NCALD: variants seen among roughly 807,000 people sequenced by gnomAD.
The protein encoded by NCALD is neurocalcin delta.
A neutral mutation model predicts 18.6 loss-of-function variants in NCALD; 10 were observed. That is an observed-to-expected ratio of 0.54 (90% CI 0.33 to 0.91). NCALD has a LOEUF of 0.91. Ranked by LOEUF, NCALD falls within the 40% of genes least tolerant of loss-of-function variation. The pLI is 0.03. For missense variants in NCALD, 184 were observed against 247.6 expected (o/e 0.74, Z 1.72); for synonymous variants, 88 against 87.4 (o/e 1.01, Z -0.04).
At chr8:102,050,883 GATT>G (rs1361367858) in intron 1 of NCALD, among the ~76,000 whole-genome samples, 5 of 132,030 alleles carry the variant, frequency 3.8e-5, no homozygotes, top group South Asian at 2.5e-4. Flanking sequence ...TAATTTAATT[GATT>G]ATTAATTTAA....
chr8:101,780,896 C>CT (rs1771045966), intron 1 of NCALD, among the ~76,000 whole-genome samples: 1 of 152,126 alleles, frequency 6.6e-6, no homozygotes, highest in Non-Finnish European at 1.5e-5. Context: ...CAAAATACCC[C>CT]TCCTGATGGG....
intron 4 of NCALD, among the ~76,000 whole-genome samples, chr8:101,861,437 G>C (rs1338248802): frequency 6.6e-6 from 1 of 151,662 alleles, no homozygotes; most frequent in Non-Finnish European, 1.5e-5. Context: ...TAAAAACATG[G>C]GTGGAACACA....
At chr8:101,815,597 ATAC>A (rs1418905727) in intron 4 of NCALD, among the ~76,000 whole-genome samples, 3 of 152,142 alleles carry the variant, frequency 2.0e-5, no homozygotes, top group African/African-American at 4.8e-5. Context: ...TTAAAATGAG[ATAC>A]TACAACACAT....
At chr8:101,726,898 A>G (rs1216238079) in intron 1 of NCALD, among the ~76,000 whole-genome samples, 1 of 152,176 alleles carries the variant, frequency 6.6e-6, no homozygotes, top group African/African-American at 2.4e-5. Context: ...GTCAATGTAG[A>G]TCAAGGACTG....
At chr8:102,090,401 G>T (rs1262918483) in intron 1 of NCALD, among the ~76,000 whole-genome samples, 1 of 152,076 alleles carries the variant, frequency 6.6e-6, no homozygotes, top group African/African-American at 2.4e-5. Flanking sequence ...ATCAGCTACA[G>T]GACTTTGACA....
intron 2 of NCALD, among the ~76,000 whole-genome samples, chr8:101,706,271 C>T (rs1409488457): frequency 6.6e-6 from 1 of 151,074 alleles, no homozygotes; most frequent in Non-Finnish European, 1.5e-5. Flanking sequence ...TGGAGGAGTG[C>T]CAAAGATGTC....
intron 2 of NCALD, among the ~76,000 whole-genome samples, chr8:101,996,044 G>A (rs1821228879): frequency 6.6e-6 from 1 of 152,236 alleles, no homozygotes; most frequent in African/African-American, 2.4e-5. Context: ...CCTCTGGTGT[G>A]TTCCTGGCAG....
chr8:101,776,457 A>T (rs1811795352), intron 1 of NCALD, among the ~76,000 whole-genome samples: 3 of 150,738 alleles, frequency 2.0e-5, no homozygotes. Context: ...ACAACCAGTA[A>T]TTTTTTTTTT....
chr8:102,117,595 C>A (rs1191033631), intron 1 of NCALD, among the ~76,000 whole-genome samples: 2 of 150,090 alleles, frequency 1.3e-5, no homozygotes, highest in African/African-American at 5.0e-5. Context: ...ACTGTCAACT[C>A]CGTTGGCACT....
chr8:101,959,667 A>T (rs948538599), intron 2 of NCALD, among the ~76,000 whole-genome samples: 1 of 152,276 alleles, frequency 6.6e-6, no homozygotes, highest in South Asian at 2.1e-4. Flanking sequence ...AAACATCCCC[A>T]TCATTCTTTG....
At chr8:101,690,715 T>G in intron 3 of NCALD, 2 of 985,464 alleles carry the variant, frequency 2.0e-6, no homozygotes, top group Non-Finnish European at 2.4e-6. Flanking sequence ...TTATTTTTAA[T>G]TTGTAGAGCT....
chr8:102,112,781 A>G (rs1464873765), intron 1 of NCALD, among the ~76,000 whole-genome samples: 1 of 152,006 alleles, frequency 6.6e-6, no homozygotes, highest in Non-Finnish European at 1.5e-5. Context: ...GAGGGAGGTA[A>G]GTGAGTTCTC....
intron 1 of NCALD, among the ~76,000 whole-genome samples, chr8:102,084,214 C>T (rs1222739914): frequency 6.6e-6 from 1 of 152,172 alleles, no homozygotes; most frequent in South Asian, 2.1e-4. Context: ...TCTTTTATTA[C>T]AGATGTTGTT....
intron 1 of NCALD, among the ~76,000 whole-genome samples, chr8:102,123,270 G>A (rs770534573): frequency 7.2e-5 from 11 of 152,082 alleles, no homozygotes; most frequent in Non-Finnish European, 1.0e-4. Flanking sequence ...GTGTTTCACC[G>A]TAGCTGCCCT....
chr8:101,689,849 C>G lies in NCALD; in HGVS notation c.485-443G>C, dbSNP rs1453991290. Among the ~76,000 whole-genome samples the G allele has an allele frequency of 6.6e-6, 1 of 152,198 alleles. No individual in the cohort carries two copies. Among genetic ancestry groups the G allele is most frequent in the Non-Finnish European group, 1.5e-5 (1 of 68,028 alleles). ...TTGGTTCCCATAATGTTCCCTGGAG[C>G]CTTCTGAGCCACTTCGTGTTCTTCA... On this transcript the variant is annotated intron_variant, in intron 3 of 3. Coordinates refer to ENST00000220931, the MANE Select transcript of NCALD (RefSeq NM_032041.3). The surrounding 1 kb of genome is among the most constrained non-coding windows in gnomAD (Gnocchi z 4.4).
At chr8:101,882,234 G>A (rs1279155129) in intron 4 of NCALD, among the ~76,000 whole-genome samples, 1 of 152,094 alleles carries the variant, frequency 6.6e-6, no homozygotes, top group Non-Finnish European at 1.5e-5. Context: ...ATATGCTATG[G>A]TCTCAATGTT....
At chr8:101,872,511 G>A in intron 4 of NCALD, 1 of 738,278 alleles carries the variant, frequency 1.4e-6, no homozygotes, top group African/African-American at 1.7e-5. Context: ...TCTTGTCTAA[G>A]ATGTCATTCC....
At chr8:102,004,229 C>T (rs1354139965) in intron 2 of NCALD, among the ~76,000 whole-genome samples, 1 of 152,076 alleles carries the variant, frequency 6.6e-6, no homozygotes, top group Non-Finnish European at 1.5e-5. Context: ...TTCTTATACA[C>T]CAACAACAGA....
chr8:101,731,016 G>A (rs923940026), intron 1 of NCALD, among the ~76,000 whole-genome samples: 2 of 152,160 alleles, frequency 1.3e-5, no homozygotes, highest in African/African-American at 2.4e-5. Context: ...AACGGGTGTC[G>A]GAGTTTTGAA....
Sources: allele counts gnomAD v4.1 joint callset (sites outside exome capture counted in the v4.1 genomes callset), GRCh38; gene constraint gnomAD v4.1.1; non-coding constraint Gnocchi (gnomAD v3.1); transcripts MANE v1.5; gene names NCBI Gene and HGNC (gene_info 2026-07-23, HGNC 2026-07-21).